MX1: variants seen among roughly 807,000 people sequenced by gnomAD.
MX1 encodes interferon-induced GTP-binding protein Mx1.
MX1 carries 66 observed loss-of-function variants against 66.4 expected under a neutral mutation model. The observed-to-expected ratio is 0.99, with a 90% CI of 0.82 to 1.22. The LOEUF is 1.22. Ranked by LOEUF, MX1 falls within the 50% of genes most tolerant of loss-of-function variation. The pLI, the probability that MX1 is intolerant of heterozygous loss-of-function variation, is 0.00. For missense variants in MX1, 787 were observed against 834.3 expected, an observed-to-expected ratio of 0.94 and a Z score of 0.70; for synonymous variants, 311 against 318.1, an observed-to-expected ratio of 0.98 and a Z score of 0.24.
chr21:41,426,092 G>T (rs2090052268), upstream of MX1: 1 of 172,700 alleles, frequency 5.8e-6, no homozygotes, highest in African/African-American at 2.4e-5. Flanking sequence ...GTTCCCGCGA[G>T]GCAAGTGCTG....
chr21:41,439,639 A>C, intron 7 of MX1, 55 bp from the exon 8 acceptor site: 1 of 1,541,748 alleles, frequency 6.5e-7, no homozygotes, highest in Non-Finnish European at 8.9e-7. Context: ...CACCATCATG[A>C]GATCCGTTTA....
intron 16 of MX1, among the ~76,000 whole-genome samples, chr21:41,457,334 C>T (rs1279790610): frequency 1.3e-5 from 2 of 152,190 alleles, no homozygotes; most frequent in South Asian, 2.1e-4. Flanking sequence ...AGCAGAAACT[C>T]AAGTTGGATT....
In MX1 at chr21:41,452,808, C is replaced by T; in HGVS notation, c.1697C>T (p.Ser566Phe). ...TCCTGGGATTTTGGGGCTTTCCAGT[C>T]CAGCTCGGCAACAGACTCTTCCATG... ...KKSWDFGAFQSSSATDSSMEE... is the reference protein window; with the variant it reads ...KKSWDFGAFQFSSATDSSMEE... The change falls in exon 16 of 17, where the codon TCC becomes TTC. Residue 566 changes from serine to phenylalanine, a missense_variant. Physicochemically the swap from Ser to Phe is radical, Grantham distance 155. Coordinates refer to ENST00000398598, the MANE Select transcript of MX1 (RefSeq NM_002462.5). 6.2e-7 allele frequency: 1 copy of T among 1,614,144 alleles called. No homozygotes were observed. Among genetic ancestry groups the T allele is most frequent in the Non-Finnish European group, 8.5e-7 (1 of 1,180,024 alleles).
At position 41,440,865 on chromosome 21, in the gene MX1, ACCT is replaced by A; in HGVS notation, c.592-17_592-15del. 1 of 1,614,068 alleles carries A rather than the reference ACCT, an allele frequency of 6.2e-7. No homozygotes were observed. The highest frequency in any genetic ancestry group is 8.5e-7 in the Non-Finnish European group (1 of 1,179,948). On this transcript the variant is annotated intron_variant, in intron 8 of 16. Transcript: ENST00000398598. ...CTTGCCTTTGCCATACTCACGAGTC[ACCT>A]CCTCTCATTTCCTTACAGATCAAGA...
chr21:41,439,297 A>C (rs376935953), intron 7 of MX1, among the ~76,000 whole-genome samples: 13 of 152,296 alleles, frequency 8.5e-5, no homozygotes, highest in Admixed American at 3.3e-4. Flanking sequence ...TTCCCCATAT[A>C]ATTTTCCAGT....
rs2090295422 is a variant in MX1 at position 41,434,072 on chromosome 21, C to T, written c.106-1765C>T. ...TGTGTAGGGTAGCCCCTGCAACAAACAATCTTCTAACCCCAAATATGAATA... is the reference window on the plus strand; with the variant it reads ...TGTGTAGGGTAGCCCCTGCAACAAATAATCTTCTAACCCCAAATATGAATA... On this transcript the variant is annotated intron_variant, in intron 5 of 16. Coordinates refer to ENST00000398598, the MANE Select transcript of MX1 (RefSeq NM_002462.5). 2.0e-5 allele frequency among the ~76,000 whole-genome samples: 3 copies of T among 152,320 alleles called. No individual in the cohort carries two copies. The South Asian group carries it at 6.2e-4, about 32-fold the overall frequency.
At chr21:41,443,765 A>G (rs947494090) in intron 10 of MX1, 23 bp from the exon 11 acceptor site, 7 of 1,613,072 alleles carry the variant, frequency 4.3e-6, no homozygotes, top group Non-Finnish European at 5.9e-6. Flanking sequence ...CAAGGTGGAA[A>G]TCGGTCCTGT....
In MX1 at chr21:41,441,972, AG is replaced by A; in HGVS notation, c.929+62del. 6.3e-7 allele frequency: 1 copy of A among 1,579,758 alleles called. No homozygotes were observed. Among genetic ancestry groups the A allele is most frequent in the South Asian group, 1.1e-5 (1 of 90,070 alleles). Reference sequence around the variant, plus strand: ...CCAAGCCCAGGATGTCAGGCCTTCCAGGGGACAGTGGCAGCCGTCCCACAGA... The same window carrying A: ...CCAAGCCCAGGATGTCAGGCCTTCCAGGGACAGTGGCAGCCGTCCCACAGA... On this transcript the variant is annotated intron_variant, in intron 10 of 16. Transcript: ENST00000398598. The surrounding 1 kb of genome is among the most constrained non-coding windows in gnomAD (Gnocchi z 4.0).
intron 6 of MX1, among the ~76,000 whole-genome samples, chr21:41,436,683 G>A (rs1219069645): frequency 2.0e-5 from 3 of 152,140 alleles, no homozygotes; most frequent in Non-Finnish European, 2.9e-5. Context: ...GGGGGATAAT[G>A]GAAGATGTTC....
At chr21:41,430,918 GT>G (rs895551396) in intron 4 of MX1, among the ~76,000 whole-genome samples, 13 of 152,222 alleles carry the variant, frequency 8.5e-5, no homozygotes, top group African/African-American at 2.6e-4. Context: ...GAGCTCACGT[GT>G]TTTTTAAACT....
At chr21:41,424,226 A>AGTGT (rs3037030), upstream of MX1, among the ~76,000 whole-genome samples, 11,200 of 146,224 alleles carry the variant, frequency 0.077, 585 homozygotes, top group African/African-American at 0.14. Flanking sequence ...AGAGGGGTTG[A>AGTGT]GTGTGTGTGT....
upstream of MX1, chr21:41,423,364 C>T (rs951670622): frequency 2.6e-5 from 4 of 152,216 alleles, no homozygotes; most frequent in Admixed American, 2.0e-4. Flanking sequence ...TGAAAACAGA[C>T]GTCCCATACA....
chr21:41,455,921 A>G (rs1469983807), intron 16 of MX1, among the ~76,000 whole-genome samples: 1 of 152,176 alleles, frequency 6.6e-6, no homozygotes, highest in East Asian at 1.9e-4. Flanking sequence ...GTGCAGGGAA[A>G]CAGAACCACA....
chr21:41,455,462 A>G (rs2090935762), intron 16 of MX1, among the ~76,000 whole-genome samples: 1 of 152,184 alleles, frequency 6.6e-6, no homozygotes, highest in Non-Finnish European at 1.5e-5. Flanking sequence ...AGGCATATAC[A>G]TGCACAGAAT....
Position 41,441,111 on chromosome 21 carries a change from CG to C in MX1, c.730+88del. On this transcript the variant is annotated intron_variant, in intron 9 of 16. Transcript: ENST00000398598. The surrounding 1 kb of genome is among the most constrained non-coding windows in gnomAD (Gnocchi z 4.0). ...GAGAATGGGGGAGCCCACCTGTGCT[CG>C]GTGAGAATGGGGGAGCCCGCCTGTG... 1 of 1,234,342 alleles carries C rather than the reference CG, an allele frequency of 8.1e-7. No individual in the cohort carries two copies. The allele number at this position is 1,234,342 out of a possible 1,614,324, so 76.5% of individuals were successfully genotyped here.
Position 41,445,302 on chromosome 21 carries a change from C to G in MX1, c.1009-146C>G. 5 of 953,780 alleles carry G rather than the reference C, an allele frequency of 5.2e-6. No homozygotes were observed. In the South Asian group the frequency reaches 7.9e-5, roughly 15 times the overall value. 59.1% of individuals were successfully genotyped at this position (953,780 alleles called of 1,614,324 possible). A position where few individuals can be genotyped will look rare whatever the true frequency, so the allele number is the denominator to read the frequency against. ...CCCAGTGTGTGCCCCCCTGCACCTC[C>G]CCCGGGTCTGGAAAAGCTTCCTTTT... On this transcript the variant is annotated intron_variant, in intron 11 of 16. Coordinates refer to ENST00000398598, the MANE Select transcript of MX1 (RefSeq NM_002462.5).
chr21:41,454,719 G>C (rs571184008), intron 16 of MX1, among the ~76,000 whole-genome samples: 66 of 152,234 alleles, frequency 4.3e-4, no homozygotes, highest in African/African-American at 1.6e-3. Context: ...AGAGCCCTTG[G>C]GATGTGTAAA....
intron 7 of MX1, among the ~76,000 whole-genome samples, chr21:41,439,220 G>A (rs1424592548): frequency 6.6e-5 from 10 of 152,054 alleles, no homozygotes; most frequent in Non-Finnish European, 1.5e-4. Context: ...TAAGGAGGAA[G>A]GAGCAAAATA....
At chr21:41,434,517 T>C (rs2090308026) in intron 5 of MX1, among the ~76,000 whole-genome samples, 1 of 152,228 alleles carries the variant, frequency 6.6e-6, no homozygotes, top group South Asian at 2.1e-4. Context: ...CTGTTCTTCG[T>C]TCCCCCTTTC....
Sources: allele counts gnomAD v4.1 joint callset (sites outside exome capture counted in the v4.1 genomes callset), GRCh38; gene constraint gnomAD v4.1.1; non-coding constraint Gnocchi (gnomAD v3.1); transcripts MANE v1.5; gene names NCBI Gene and HGNC (gene_info 2026-07-23, HGNC 2026-07-21).